FHOD3: variants seen among roughly 807,000 people sequenced by gnomAD.
FHOD3 encodes the protein formin homology 2 domain containing 3.
FHOD3 carries 90 observed loss-of-function variants against 173.0 expected under a neutral mutation model. The ratio of observed to expected loss-of-function variants is 0.52; its 90% CI spans 0.44 to 0.62. The LOEUF is 0.62. Among genes scored for constraint, FHOD3 ranks in the 20% least tolerant of loss-of-function variants. The pLI is 0.00. For synonymous variants in FHOD3, 828 were observed against 823.0 expected (o/e 1.01, Z -0.10); for missense variants, 1,945 against 2,034.7 (o/e 0.96, Z 0.85).
intron 6 of FHOD3, among the ~76,000 whole-genome samples, chr18:36,581,494 G>C (rs560032630): frequency 1.3e-5 from 2 of 152,306 alleles, no homozygotes; most frequent in African/African-American, 4.8e-5. Flanking sequence ...CTCCAGGTTA[G>C]CTTGCCTTGC....
At chr18:36,309,215 T>C (rs1168559449) in intron 1 of FHOD3, among the ~76,000 whole-genome samples, 1 of 152,098 alleles carries the variant, frequency 6.6e-6, no homozygotes, top group East Asian at 1.9e-4. Context: ...GTGCTCTCAC[T>C]TGTACTGTTC....
intron 27 of FHOD3, among the ~76,000 whole-genome samples, chr18:36,767,594 A>G (rs1331234079): frequency 6.6e-6 from 1 of 152,212 alleles, no homozygotes; most frequent in East Asian, 1.9e-4. Flanking sequence ...TGCTGGGATT[A>G]CAGACGTGAG....
chr18:36,640,844 G>A (rs9963807), intron 10 of FHOD3, among the ~76,000 whole-genome samples: 10,754 of 152,128 alleles, frequency 0.071, 658 homozygotes, highest in East Asian at 0.24. Flanking sequence ...TTCAGGAACC[G>A]TGCTTCGAAG....
intron 17 of FHOD3, among the ~76,000 whole-genome samples, chr18:36,695,076 C>A (rs2149516382): frequency 6.6e-6 from 1 of 151,954 alleles, no homozygotes; most frequent in Middle Eastern, 3.4e-3. Context: ...GGCACAGTGG[C>A]TCTTGCGTGT....
At chr18:36,419,035 AC>A (rs966682780) in intron 3 of FHOD3, among the ~76,000 whole-genome samples, 6 of 152,188 alleles carry the variant, frequency 3.9e-5, no homozygotes, top group South Asian at 4.2e-4. Context: ...AGAGTAAAAA[AC>A]GTGTATGGTT....
chr18:36,351,615 C>T (rs1410866474), intron 1 of FHOD3, among the ~76,000 whole-genome samples: 1 of 152,120 alleles, frequency 6.6e-6, no homozygotes, highest in Non-Finnish European at 1.5e-5. Context: ...AGTAGTTATG[C>T]TGTCCAGAAT....
intron 1 of FHOD3, among the ~76,000 whole-genome samples, chr18:36,317,996 T>G (rs1201973924): frequency 2.0e-5 from 3 of 152,248 alleles, no homozygotes. Context: ...CCTTTCCCCA[T>G]TTCTTGTTTT....
intron 10 of FHOD3, among the ~76,000 whole-genome samples, chr18:36,630,597 C>G (rs994343212): frequency 6.6e-6 from 1 of 152,066 alleles, no homozygotes; most frequent in African/African-American, 2.4e-5. Context: ...CAAGAGAGAA[C>G]AATGATTATA....
chr18:36,604,951 A>G (rs1159857573), intron 8 of FHOD3, among the ~76,000 whole-genome samples: 1 of 152,230 alleles, frequency 6.6e-6, no homozygotes, highest in Admixed American at 6.5e-5. Flanking sequence ...AATACATATG[A>G]AAACAACAAG....
At chr18:36,556,974 C>T (rs573450137) in intron 5 of FHOD3, among the ~76,000 whole-genome samples, 45 of 152,210 alleles carry the variant, frequency 3.0e-4, no homozygotes, top group Non-Finnish European at 3.4e-4. Context: ...TTTTCTCCAG[C>T]GCTGTAAATA....
intron 3 of FHOD3, among the ~76,000 whole-genome samples, chr18:36,384,208 A>G (rs2047917944): frequency 6.6e-6 from 1 of 152,050 alleles, no homozygotes. Flanking sequence ...GTGAAAACCC[A>G]TCTCTACTAA....
chr18:36,359,003 T>G (rs17746071), intron 2 of FHOD3, among the ~76,000 whole-genome samples: 38,823 of 152,136 alleles, frequency 0.26, 5,098 homozygotes, highest in Admixed American at 0.34. Flanking sequence ...GGTTCTCTCC[T>G]AGATGTGTGG....
At chr18:36,349,284 T>C (rs775866942) in intron 1 of FHOD3, among the ~76,000 whole-genome samples, 3 of 152,084 alleles carry the variant, frequency 2.0e-5, no homozygotes, top group Non-Finnish European at 2.9e-5. Flanking sequence ...GCAGCCCCAG[T>C]CTCTGCCAGG....
At chr18:36,427,731 G>T (rs2050325444) in intron 3 of FHOD3, among the ~76,000 whole-genome samples, 1 of 152,160 alleles carries the variant, frequency 6.6e-6, no homozygotes. Flanking sequence ...CCATCTTAGA[G>T]CCTGGTACAC....
chr18:36,706,153 G>C (rs1346606963), intron 17 of FHOD3, among the ~76,000 whole-genome samples: 1 of 152,154 alleles, frequency 6.6e-6, no homozygotes, highest in Non-Finnish European at 1.5e-5. Context: ...ACCACGCTGG[G>C]GCCCTCCAGC....
At chr18:36,669,738 T>G (rs1282051250) in intron 14 of FHOD3, among the ~76,000 whole-genome samples, 1 of 151,982 alleles carries the variant, frequency 6.6e-6, no homozygotes, top group Non-Finnish European at 1.5e-5. Context: ...TGTTGTAAAC[T>G]CCACAATACA....
intron 27 of FHOD3, among the ~76,000 whole-genome samples, chr18:36,761,655 C>T (rs184839449): frequency 5.3e-5 from 8 of 152,288 alleles, no homozygotes; most frequent in East Asian, 1.9e-4. Context: ...CCATTCACCT[C>T]ATCCTCTGGG....
chr18:36,334,967 G>A (rs1254755692), intron 1 of FHOD3, among the ~76,000 whole-genome samples: 1 of 152,188 alleles, frequency 6.6e-6, no homozygotes, highest in Non-Finnish European at 1.5e-5. Flanking sequence ...CAGCACCCTG[G>A]CTGTGTGCCC....
chr18:36,334,173 G>GT (rs2045178789), intron 1 of FHOD3, among the ~76,000 whole-genome samples: 1 of 152,208 alleles, frequency 6.6e-6, no homozygotes, highest in African/African-American at 2.4e-5. Flanking sequence ...CACTTTAAAG[G>GT]TTAGCAAGCA....
Sources: allele counts gnomAD v4.1 joint callset (sites outside exome capture counted in the v4.1 genomes callset), GRCh38; gene constraint gnomAD v4.1.1; transcripts MANE v1.5; gene names NCBI Gene and HGNC (gene_info 2026-07-23, HGNC 2026-07-21).